PKN2: variants seen among roughly 807,000 people sequenced by gnomAD.
The protein encoded by PKN2 is serine/threonine-protein kinase N2.
PKN2 carries 38 observed loss-of-function variants against 119.1 expected under a neutral mutation model. The ratio of observed to expected loss-of-function variants is 0.32; its 90% CI spans 0.25 to 0.42. The LOEUF is 0.42. Among genes scored for constraint, PKN2 ranks in the 10% least tolerant of loss-of-function variants. The pLI, the probability that PKN2 is intolerant of heterozygous loss-of-function variation, is 1.00. For synonymous variants in PKN2, 390 were observed against 384.9 expected, an observed-to-expected ratio of 1.01 and a Z score of -0.15; for missense variants, 850 against 1,165.1, an observed-to-expected ratio of 0.73 and a Z score of 3.94.
intron 8 of PKN2, among the ~76,000 whole-genome samples, chr1:88,791,152 T>C (rs1217000967): frequency 5.3e-5 from 8 of 152,142 alleles, no homozygotes. Flanking sequence ...TAAAGCTGTG[T>C]GTGGGCCAGG....
chr1:88,772,594 G>A (rs921568336), intron 6 of PKN2, among the ~76,000 whole-genome samples: 4 of 152,126 alleles, frequency 2.6e-5, no homozygotes, highest in Non-Finnish European at 5.9e-5. Flanking sequence ...GAGCATATGA[G>A]TTCTTTTTAC....
At chr1:88,706,343 C>G (rs1667004642) in intron 1 of PKN2, among the ~76,000 whole-genome samples, 1 of 152,102 alleles carries the variant, frequency 6.6e-6, no homozygotes. Context: ...TGTCCTGCAA[C>G]TTTGCTGAAT....
At position 88,833,270 on chromosome 1, in the gene PKN2, A is replaced by G; in HGVS notation, c.2777A>G (p.Asp926Gly). Residue 926 changes from aspartate (D) to glycine (G), a missense_variant, in exon 22 of 22, where the codon GAC (aspartate) becomes GGC (glycine). This residue lies in a region of PKN2 where 95 missense variants were observed against 150.2 expected (regional missense o/e 0.63). Transcript: ENST00000370521. ...CTAATTGATTGGAGCGCTCTGATGGACAAAAAAGTAAAGCCACCATTTATA... is the reference window on the plus strand; with the variant it reads ...CTAATTGATTGGAGCGCTCTGATGGGCAAAAAAGTAAAGCCACCATTTATA... ...FRLIDWSALM[D>G]KKVKPPFIPT... 1.2e-6 allele frequency: 2 copies of G among 1,613,324 alleles called. No homozygotes were observed. The highest frequency in any genetic ancestry group is 8.5e-7 in the Non-Finnish European group (1 of 1,179,446).
intron 21 of PKN2, 31 bp from the exon 22 acceptor site, chr1:88,833,214 T>C (rs1672802795): frequency 6.3e-7 from 1 of 1,578,890 alleles, no homozygotes; most frequent in South Asian, 1.2e-5. Context: ...TTTAACAAAC[T>C]AAACTAGTCA....
At chr1:88,758,542 T>G (rs1277146707) in intron 2 of PKN2, among the ~76,000 whole-genome samples, 2 of 152,050 alleles carry the variant, frequency 1.3e-5, no homozygotes, top group Admixed American at 1.3e-4. Flanking sequence ...CCCTCCACAC[T>G]CCAATAGGCC....
At chr1:88,804,706 T>C (rs1193104069) in intron 9 of PKN2, 140 bp from the exon 10 acceptor site, 16 of 750,396 alleles carry the variant, frequency 2.1e-5, no homozygotes, top group Non-Finnish European at 3.5e-5. Flanking sequence ...TTATTCTTCC[T>C]ATGTCTGTTT....
At chr1:88,800,600 G>A (rs888437659) in intron 8 of PKN2, among the ~76,000 whole-genome samples, 18 of 152,128 alleles carry the variant, frequency 1.2e-4, no homozygotes, top group African/African-American at 2.2e-4. Context: ...CATAGATGTC[G>A]CTGTGTTCCC....
At chr1:88,753,661 A>G (rs1408580548) in intron 2 of PKN2, among the ~76,000 whole-genome samples, 1 of 144,404 alleles carries the variant, frequency 6.9e-6, no homozygotes, top group African/African-American at 2.7e-5. Context: ...CCCGTCTTAC[A>G]TGGTTGGAGC....
chr1:88,770,234 G>A (rs1669829997), intron 3 of PKN2, 118 bp from the exon 4 acceptor site: 1 of 598,754 alleles, frequency 1.7e-6, no homozygotes, highest in Non-Finnish European at 3.0e-6. Context: ...AGCGCCAACA[G>A]CATTCTTTTA....
chr1:88,720,788 T>A (rs1298298577), intron 1 of PKN2, among the ~76,000 whole-genome samples: 1 of 152,158 alleles, frequency 6.6e-6, no homozygotes, highest in African/African-American at 2.4e-5. Context: ...CTCCCACCTT[T>A]CCCTCTGGTG....
chr1:88,706,625 T>A (rs1480879246), intron 1 of PKN2, among the ~76,000 whole-genome samples: 1 of 152,194 alleles, frequency 6.6e-6, no homozygotes, highest in Non-Finnish European at 1.5e-5. Flanking sequence ...GTATTTGCCC[T>A]TTAATTACAT....
Position 88,833,621 on chromosome 1 carries a change from GCTC to G in PKN2, c.*177_*179del. 1.7e-6 allele frequency: 1 copy of G among 588,438 alleles called. No individual in the cohort carries two copies. Among genetic ancestry groups the G allele is most frequent in the South Asian group, 2.1e-5 (1 of 46,674 alleles). 36.5% of individuals were successfully genotyped at this position (588,438 alleles called of 1,614,324 possible). ...CCATTCTAATACTTCTTCAAAAGTG[GCTC>G]CTCATTGTACTTCAGCGTAAATATG... On this transcript the variant is annotated 3_prime_UTR_variant, in exon 22 of 22. Transcript: ENST00000370521.
At chr1:88,751,455 G>A (rs552510416) in intron 2 of PKN2, among the ~76,000 whole-genome samples, 24 of 151,970 alleles carry the variant, frequency 1.6e-4, no homozygotes, top group African/African-American at 5.8e-4. Flanking sequence ...ACACAGGGTT[G>A]TCCTTTGCAT....
intron 1 of PKN2, among the ~76,000 whole-genome samples, chr1:88,724,730 C>G (rs1188222314): frequency 6.6e-6 from 1 of 151,040 alleles, no homozygotes; most frequent in African/African-American, 2.4e-5. Context: ...TGCCACCATG[C>G]CCGGCTAATT....
intron 1 of PKN2, among the ~76,000 whole-genome samples, chr1:88,707,057 C>G (rs1179817363): frequency 4.0e-5 from 6 of 150,294 alleles, no homozygotes; most frequent in Non-Finnish European, 3.0e-5. Context: ...CCCATGGCTA[C>G]TTAATGTTGG....
chr1:88,821,877 T>C, intron 16 of PKN2, 64 bp from the exon 17 acceptor site: 2 of 1,261,876 alleles, frequency 1.6e-6, no homozygotes, highest in Non-Finnish European at 2.2e-6. Flanking sequence ...AGTATAAACA[T>C]ATAAGCTGGG....
At chr1:88,768,001 G>A (rs1263508921) in intron 3 of PKN2, among the ~76,000 whole-genome samples, 1 of 152,144 alleles carries the variant, frequency 6.6e-6, no homozygotes, top group African/African-American at 2.4e-5. Context: ...ATCCAAATTA[G>A]TACTGATTGC....
chr1:88,824,271 A>T, intron 17 of PKN2, 39 bp from the exon 18 acceptor site: 1 of 880,742 alleles, frequency 1.1e-6, no homozygotes, highest in South Asian at 1.7e-5. Context: ...GATTTCTTTG[A>T]TTTTTTTTTT....
intron 16 of PKN2, among the ~76,000 whole-genome samples, chr1:88,818,647 C>G (rs1015170226): frequency 1.2e-5 from 1 of 81,754 alleles, no homozygotes; most frequent in Non-Finnish European, 2.9e-5. Flanking sequence ...GACTCCTTCT[C>G]AAAAAAAAAA....
Sources: gnomAD v4.1 joint callset for allele counts (sites outside exome capture counted in the v4.1 genomes callset) on GRCh38, gnomAD v4.1.1 for gene constraint, gnomAD v4.1.1 regional missense constraint, MANE v1.5 for transcripts, NCBI Gene and HGNC (gene_info 2026-07-23, HGNC 2026-07-21) for gene names.